ANXA6: variants seen among roughly 807,000 people sequenced by gnomAD.
ANXA6 encodes the protein 67 kDa calelectrin.
Under a neutral mutation model 95.4 loss-of-function variants are expected in ANXA6, and 71 were observed. The ratio of observed to expected loss-of-function variants is 0.74; its 90% CI spans 0.61 to 0.91. The LOEUF (loss-of-function observed/expected upper bound fraction) is 0.91, where lower values mean the gene tolerates loss of function less well. Among genes scored for constraint, ANXA6 ranks in the 40% least tolerant of loss-of-function variants. ANXA6 has a pLI of 0.00. For synonymous variants in ANXA6, 289 were observed against 315.9 expected, an observed-to-expected ratio of 0.91 and a Z score of 0.90; for missense variants, 830 against 876.4, an observed-to-expected ratio of 0.95 and a Z score of 0.67.
intron 20 of ANXA6, among the ~76,000 whole-genome samples, chr5:151,115,659 G>A (rs563156222): frequency 2.6e-5 from 4 of 152,316 alleles, no homozygotes; most frequent in South Asian, 2.1e-4. Flanking sequence ...CTTAATAAAC[G>A]TCTGTTGAAT....
intron 17 of ANXA6, among the ~76,000 whole-genome samples, chr5:151,120,778 G>A (rs1765146492): frequency 6.6e-6 from 1 of 152,124 alleles, no homozygotes. Flanking sequence ...AGAGGTTACT[G>A]CCTAGTGCTC....
chr5:151,105,833 T>A (rs1399366910), intron 23 of ANXA6, among the ~76,000 whole-genome samples: 4 of 152,116 alleles, frequency 2.6e-5, no homozygotes, highest in Admixed American at 2.0e-4. Context: ...TAGAGGTGAG[T>A]GACCAGCTTG....
In ANXA6 at chr5:151,138,750, A is replaced by T. The variant is rs752696382; in HGVS notation, c.246T>A (p.Phe82Leu). ...ADLKYELTGKFERLIVGLMRP... is the reference protein window; with the variant it reads ...ADLKYELTGKLERLIVGLMRP... The stretch of plus-strand genomic sequence containing the variant: ...TCATCAGGCCCACAATCAACCGTTC[A>T]AACTTGCCCGTCAATTCATACTTTA... Residue 82 changes from phenylalanine to leucine, a missense_variant, in exon 5 of 26, where the codon TTT becomes TTA. Transcript: ENST00000354546. 1.2e-6 allele frequency: 2 copies of T among 1,614,008 alleles called. No individual in the cohort carries two copies. The highest frequency in any genetic ancestry group is 8.5e-7 in the Non-Finnish European group (1 of 1,179,882).
At chr5:151,120,305 G>C (rs1765126838) in intron 17 of ANXA6, among the ~76,000 whole-genome samples, 1 of 151,360 alleles carries the variant, frequency 6.6e-6, no homozygotes, top group African/African-American at 2.4e-5. Flanking sequence ...AGGCAGGCAA[G>C]ATTGACTGAT....
Position 151,131,299 on chromosome 5 carries a change from G to A in ANXA6, c.737-10C>T, listed in dbSNP as rs368502982. 2.6e-5 allele frequency: 42 copies of A among 1,613,888 alleles called. No homozygotes were observed. In the East Asian group the frequency reaches 4.5e-4, roughly 17 times the overall value. On this transcript the variant is annotated splice_polypyrimidine_tract_variant and intron_variant, in intron 10 of 25. Coordinates refer to ENST00000354546, the MANE Select transcript of ANXA6 (RefSeq NM_001155.5). ...CTCCGGATACACTTCACTGTGAAGA[G>A]GGAGGAAGAGGTAGAGTTATTCTGG...
chr5:151,123,816 C>T (rs3792774), intron 15 of ANXA6, among the ~76,000 whole-genome samples: 68,337 of 151,994 alleles, frequency 0.45, 16,048 homozygotes, highest in Admixed American at 0.59. Context: ...ACTCTTCCCA[C>T]TGGTGCCAAA....
intron 4 of ANXA6, 61 bp from the exon 5 acceptor site, chr5:151,138,852 A>G: frequency 8.6e-7 from 1 of 1,157,642 alleles, no homozygotes; most frequent in Non-Finnish European, 1.3e-6. Context: ...TACAACGGTA[A>G]GAATTACACT....
chr5:151,150,762 A>T (rs1241339893), intron 1 of ANXA6, among the ~76,000 whole-genome samples: 3 of 152,114 alleles, frequency 2.0e-5, no homozygotes. Flanking sequence ...CTACCCCGGG[A>T]TGAGGCTGGA....
At chr5:151,119,164 C>A in intron 18 of ANXA6, 136 bp downstream of exon 18, 1 of 706,498 alleles carries the variant, frequency 1.4e-6, no homozygotes, top group Non-Finnish European at 2.4e-6. Flanking sequence ...TGGGCACACC[C>A]AAGAGGCTTA....
At chr5:151,117,618 C>CT in intron 19 of ANXA6, 140 bp downstream of exon 19, 1 of 737,804 alleles carries the variant, frequency 1.4e-6, no homozygotes, top group Non-Finnish European at 2.3e-6. Context: ...CGGTGGAACT[C>CT]TAAGGAGGCA....
At chr5:151,117,988 C>T (rs751949946) in intron 18 of ANXA6, among the ~76,000 whole-genome samples, 151 bp from the exon 19 acceptor site, 10 of 152,174 alleles carry the variant, frequency 6.6e-5, no homozygotes, top group Non-Finnish European at 1.0e-4. Flanking sequence ...TGGGGGCATC[C>T]AGCCATCCTC....
chr5:151,118,019 T>G (rs1765053683), intron 18 of ANXA6, among the ~76,000 whole-genome samples, 182 bp from the exon 19 acceptor site: 1 of 152,130 alleles, frequency 6.6e-6, no homozygotes, highest in Non-Finnish European at 1.5e-5. Context: ...TGTAAGACAA[T>G]GGGCATTCCC....
At position 151,132,535 on chromosome 5, in the gene ANXA6, A is replaced by T; in HGVS notation, c.677T>A (p.Ile226Asn). 1 of 1,613,494 alleles carries T rather than the reference A, an allele frequency of 6.2e-7. No homozygotes were observed. Among genetic ancestry groups the T allele is most frequent in the Non-Finnish European group, 8.5e-7 (1 of 1,179,750 alleles). The change falls in exon 10 of 26, where the codon ATT (isoleucine) becomes AAT (asparagine). Residue 226 changes from isoleucine (I) to asparagine (N), a missense_variant. Ile to Asn is a moderately radical substitution (Grantham distance 149). Transcript: ENST00000354546. ...CAGCTCCCCTCGGATGCTGGCTTCAATCGGCTTCCCTGTGGTCTTCAGATA... is the reference window on the plus strand; with the variant it reads ...CAGCTCCCCTCGGATGCTGGCTTCATTCGGCTTCCCTGTGGTCTTCAGATA... ...DEYLKTTGKPIEASIRGELSG... is the reference protein window; with the variant it reads ...DEYLKTTGKPNEASIRGELSG...
intron 23 of ANXA6, among the ~76,000 whole-genome samples, chr5:151,106,565 A>G (rs965588142): frequency 1.3e-5 from 2 of 152,046 alleles, no homozygotes; most frequent in Non-Finnish European, 2.9e-5. Context: ...TTGCTCCCCC[A>G]TTCCCAGAAC....
chr5:151,124,865 A>ATGGAATAGTG (rs1561574738), intron 14 of ANXA6, among the ~76,000 whole-genome samples: 1 of 152,250 alleles, frequency 6.6e-6, no homozygotes, highest in African/African-American at 2.4e-5. Context: ...ATTCCAAATT[A>ATGGAATAGTG]GCACACACAC....
chr5:151,150,820 G>A (rs1766090459), intron 1 of ANXA6: 1 of 152,470 alleles, frequency 6.6e-6, no homozygotes, highest in African/African-American at 2.4e-5. Context: ...GGGGGAGACA[G>A]TGAAGGAAGC....
At chr5:151,116,387 G>A (rs1200751455) in intron 20 of ANXA6, among the ~76,000 whole-genome samples, 2 of 152,186 alleles carry the variant, frequency 1.3e-5, no homozygotes, top group Admixed American at 6.5e-5. Context: ...TGGGATCAAG[G>A]TGCAGGTCAG....
chr5:151,132,416 T>C lies in ANXA6; in HGVS notation c.736+60A>G, dbSNP rs1446015076. On this transcript the variant is annotated intron_variant, in intron 10 of 25. Coordinates refer to ENST00000354546, the MANE Select transcript of ANXA6 (RefSeq NM_001155.5). ...TCCCCTTTCCATTCTCAGCCCCTTGTTCCTAGGCCAGTGTTCCAGAATCCC... is the reference window on the plus strand; with the variant it reads ...TCCCCTTTCCATTCTCAGCCCCTTGCTCCTAGGCCAGTGTTCCAGAATCCC... 1.7e-5 allele frequency: 22 copies of C among 1,296,038 alleles called. No homozygotes were observed. In the East Asian group the frequency reaches 4.9e-4, roughly 29 times the overall value. The allele number at this position is 1,296,038 out of a possible 1,614,324, so 80.3% of individuals were successfully genotyped here.
chr5:151,112,233 A>G (rs2113901287), intron 20 of ANXA6, among the ~76,000 whole-genome samples: 2 of 152,352 alleles, frequency 1.3e-5, no homozygotes, highest in East Asian at 3.8e-4. Context: ...GAGAGTTTCC[A>G]TTTAAATTAA....
Sources: gnomAD v4.1 joint callset for allele counts (sites outside exome capture counted in the v4.1 genomes callset) on GRCh38, gnomAD v4.1.1 for gene constraint, MANE v1.5 for transcripts, NCBI Gene and HGNC (gene_info 2026-07-23, HGNC 2026-07-21) for gene names.